PRR5: variants seen among roughly 807,000 people sequenced by gnomAD.
The protein encoded by PRR5 is proline rich 5.
In PRR5, 25 loss-of-function variants were observed where a neutral mutation model predicts 30.6. The ratio of observed to expected loss-of-function variants is 0.82; its 90% confidence interval spans 0.60 to 1.14. The LOEUF (loss-of-function observed/expected upper bound fraction) is 1.14. PRR5 is among the 50% of genes most tolerant of loss of function. PRR5 has a pLI of 0.00. For synonymous variants in PRR5, 286 were observed against 247.1 expected (o/e 1.16, Z -1.48); for missense variants, 600 against 547.1 (o/e 1.10, Z -0.96).
At chr22:44,670,914 C>T (rs1419929510) in intron 1 of PRR5, among the ~76,000 whole-genome samples, 1 of 152,194 alleles carries the variant, frequency 6.6e-6, no homozygotes, top group African/African-American at 2.4e-5. Flanking sequence ...TGAACAAAAC[C>T]GTCTTCTGGG....
At chr22:44,709,531 C>T (rs1368095000) in intron 1 of PRR5, among the ~76,000 whole-genome samples, 1 of 152,122 alleles carries the variant, frequency 6.6e-6, no homozygotes, top group Admixed American at 6.5e-5. Context: ...GCCCCACCAA[C>T]ACGTTGATTT....
chr22:44,686,619 G>A (rs1924777879), intron 1 of PRR5, among the ~76,000 whole-genome samples: 1 of 152,116 alleles, frequency 6.6e-6, no homozygotes, highest in African/African-American at 2.4e-5. Context: ...AGCTTCAAGC[G>A]ATTCTCCTGC....
Position 44,713,852 on chromosome 22 carries a change from G to A in PRR5, c.135-739G>A, listed in dbSNP as rs572948782. On this transcript the variant is annotated intron_variant, in intron 1 of 7. Transcript: ENST00000336985. ...GGACTGTTGCTCTGTCGCCCAGGCT[G>A]GAGTGCAGTGGCGCGATCTCGGCTC... Among the ~76,000 whole-genome samples, 12 of 152,326 alleles carry A rather than the reference G, an allele frequency of 7.9e-5. No individual in the cohort carries two copies. In the South Asian group the frequency reaches 2.1e-3, roughly 26 times the overall value.
intron 1 of PRR5, among the ~76,000 whole-genome samples, chr22:44,695,531 T>C (rs898377810): frequency 1.1e-4 from 17 of 152,210 alleles, no homozygotes; most frequent in African/African-American, 3.9e-4. Flanking sequence ...GGCATTTTTA[T>C]ATAAGAAGCC....
At chr22:44,677,278 G>A (rs114945254) in intron 1 of PRR5, 7,173 of 152,614 alleles carry the variant, frequency 0.047, 344 homozygotes, top group African/African-American at 0.12. Flanking sequence ...CGGTGGGGAC[G>A]CCTGGGCGTG....
intron 1 of PRR5, among the ~76,000 whole-genome samples, chr22:44,710,120 G>A (rs554931492): frequency 2.0e-5 from 3 of 152,244 alleles, no homozygotes; most frequent in East Asian, 1.9e-4. Context: ...CCATGGGTGC[G>A]GCACTGTCCT....
At position 44,695,923 on chromosome 22, in the gene PRR5, C is replaced by CTT. The variant is rs79228617; in HGVS notation, c.-10-6545_-10-6544dup. Among the ~76,000 whole-genome samples the CTT allele has an allele frequency of 3.0e-3, 222 of 73,344 alleles. 23 individuals are homozygous for CTT. Among genetic ancestry groups the CTT allele is most frequent in the African/African-American group, 9.5e-3 (169 of 17,748 alleles). 48.1% of individuals were successfully genotyped at this position (73,344 alleles called of 152,430 possible). On this transcript the variant is annotated intron_variant, in intron 1 of 8. Coordinates refer to the PRR5 transcript ENST00000006251. ...AGTGATTCCATTTTGATTCTGACAA[C>CTT]TTTTTTTTTTTTTTTTTTTTTTTTT...
chr22:44,702,135 GC>G (rs1450128576), upstream of PRR5: 6 of 173,072 alleles, frequency 3.5e-5, no homozygotes, highest in Non-Finnish European at 5.6e-5. Flanking sequence ...CGATGCCCCC[GC>G]CCCCTTCCCC....
rs549860595 is a variant in PRR5, at chr22:44,722,862, A to G, written c.216-2382A>G. Among the ~76,000 whole-genome samples, 188 of 152,296 alleles carry G rather than the reference A, an allele frequency of 1.2e-3. 1 individual carries two copies. The highest frequency in any genetic ancestry group is 2.1e-3 in the Non-Finnish European group (145 of 68,034). On this transcript the variant is annotated intron_variant, in intron 2 of 7. Coordinates refer to ENST00000336985, the MANE Select transcript of PRR5 (RefSeq NM_181333.4). ...TTTTTTCCCAGCATGTTGCTTTTGAAAACTCCAGCCAGTCCTCTCTTTGCA... is the reference window on the plus strand; with the variant it reads ...TTTTTTCCCAGCATGTTGCTTTTGAGAACTCCAGCCAGTCCTCTCTTTGCA...
chr22:44,675,165 G>T (rs921474737), upstream of PRR5, among the ~76,000 whole-genome samples: 17 of 151,092 alleles, frequency 1.1e-4, no homozygotes, highest in Admixed American at 7.9e-4. Context: ...CAGGAGAATG[G>T]CGTGAACCCG....
chr22:44,736,503 A>G (rs748074185), intron 7 of PRR5, among the ~76,000 whole-genome samples: 1 of 152,210 alleles, frequency 6.6e-6, no homozygotes, highest in Non-Finnish European at 1.5e-5. Flanking sequence ...CTAAGGTCAA[A>G]CAGAGGTCGC....
chr22:44,718,192 C>CTTTTTTTTTTTTTTTT lies in PRR5; in HGVS notation c.215+3526_215+3541dup, dbSNP rs34868054. 1.5e-4 allele frequency among the ~76,000 whole-genome samples: 14 copies of CTTTTTTTTTTTTTTTT among 94,576 alleles called. 2 individuals carry two copies. Among genetic ancestry groups the CTTTTTTTTTTTTTTTT allele is most frequent in the African/African-American group, 2.6e-4 (6 of 23,484 alleles). The allele number at this position is 94,576 out of a possible 152,430, so 62.0% of individuals were successfully genotyped here. On this transcript the variant is annotated intron_variant, in intron 2 of 7. Transcript: ENST00000336985. ...TGTGTGGATGCACGTTTTCATCTCT[C>CTTTTTTTTTTTTTTTT]TTTTTTTTTTTTTTTTTTTTGAGAC... is the stretch of plus-strand genomic sequence containing the variant.
At chr22:44,704,210 G>A (rs996280500) in intron 1 of PRR5, among the ~76,000 whole-genome samples, 4 of 152,274 alleles carry the variant, frequency 2.6e-5, no homozygotes, top group South Asian at 2.1e-4. Flanking sequence ...GACCAGTGTC[G>A]GGGTGTCCCT....
At chr22:44,706,000 G>A (rs1343193689) in intron 1 of PRR5, among the ~76,000 whole-genome samples, 4 of 151,794 alleles carry the variant, frequency 2.6e-5, no homozygotes, top group Admixed American at 6.6e-5. Flanking sequence ...GGGTTTCACC[G>A]TGTTGGCCAG....
At chr22:44,728,240 A>G (rs899046647) in intron 4 of PRR5, among the ~76,000 whole-genome samples, 1 of 152,186 alleles carries the variant, frequency 6.6e-6, no homozygotes, top group African/African-American at 2.4e-5. Flanking sequence ...ACTGGGCTCT[A>G]CGCTGGGAGT....
chr22:44,674,726 A>AT (rs1255174830), upstream of PRR5, among the ~76,000 whole-genome samples: 1 of 151,752 alleles, frequency 6.6e-6, no homozygotes, highest in Non-Finnish European at 1.5e-5. Context: ...CTAAAAAAAA[A>AT]GAAAAAAAAA....
chr22:44,700,422 C>T (rs915995628), upstream of PRR5, among the ~76,000 whole-genome samples: 9 of 152,066 alleles, frequency 5.9e-5, no homozygotes, highest in Non-Finnish European at 1.2e-4. Flanking sequence ...GCCATGATTG[C>T]GCCATTGCAC....
At chr22:44,693,179 T>A (rs1302622359) in intron 1 of PRR5, among the ~76,000 whole-genome samples, 3 of 152,132 alleles carry the variant, frequency 2.0e-5, no homozygotes, top group Non-Finnish European at 4.4e-5. Flanking sequence ...AATCTCATTC[T>A]CTCACAGTTC....
upstream of PRR5, among the ~76,000 whole-genome samples, chr22:44,672,558 TG>T (rs1923485842): frequency 6.6e-6 from 1 of 152,152 alleles, no homozygotes; most frequent in South Asian, 2.1e-4. Context: ...CACTCCAGCC[TG>T]GGCAAGACAG....
Sources: gnomAD v4.1 joint callset for allele counts (sites outside exome capture counted in the v4.1 genomes callset) on GRCh38, gnomAD v4.1.1 for gene constraint, MANE v1.5 for transcripts, NCBI Gene and HGNC (gene_info 2026-07-23, HGNC 2026-07-21) for gene names.